Variants in PPARG observed in about 807,000 individuals in gnomAD.
PPARG encodes peroxisome proliferator-activated receptor gamma.
PPARG carries 17 observed loss-of-function variants against 39.2 expected under a neutral mutation model. The ratio of observed to expected loss-of-function variants is 0.43; its 90% CI spans 0.30 to 0.65. The LOEUF (loss-of-function observed/expected upper bound fraction) is 0.65. Ranked by LOEUF, PPARG falls within the 30% of genes least tolerant of loss-of-function variation. PPARG has a pLI of 0.13. For synonymous variants in PPARG, 223 were observed against 215.7 expected, an observed-to-expected ratio of 1.03 and a Z score of -0.30; for missense variants, 406 against 585.9, an observed-to-expected ratio of 0.69 and a Z score of 3.17.
At chr3:12,300,932 T>C (rs1178294690) in intron 1 of PPARG, among the ~76,000 whole-genome samples, 1 of 152,222 alleles carries the variant, frequency 6.6e-6, no homozygotes, top group African/African-American at 2.4e-5. Flanking sequence ...TTGATTTTAT[T>C]TTGAGGACAA....
rs1441515373 is a variant in PPARG at position 12,340,607 on chromosome 3, A to G, written c.-9+28154A>G. On this transcript the variant is annotated intron_variant, in intron 2 of 7. Coordinates refer to ENST00000651735, the MANE Select transcript of PPARG (RefSeq NM_138711.6). ...ATGTAACATCTTACTTCCTAGAGGT[A>G]TCTGAAGAAAAGCACTCCAGGAGTA... 5.3e-5 allele frequency among the ~76,000 whole-genome samples: 8 copies of G among 152,200 alleles called. 1 individual carries two copies. Among genetic ancestry groups the G allele is most frequent in the African/African-American group, 1.9e-4 (8 of 41,446 alleles).
intron 2 of PPARG, among the ~76,000 whole-genome samples, chr3:12,362,994 A>G (rs2048901350): frequency 6.6e-6 from 1 of 151,962 alleles, no homozygotes; most frequent in Admixed American, 6.6e-5. Flanking sequence ...ATCATGGTGC[A>G]TTGCAGCCTC....
At chr3:12,356,102 C>G (rs1439178556) in intron 2 of PPARG, among the ~76,000 whole-genome samples, 2 of 152,182 alleles carry the variant, frequency 1.3e-5, no homozygotes, top group Non-Finnish European at 2.9e-5. Flanking sequence ...AAAATAGGCA[C>G]TAGAGGTTGT....
chr3:12,424,004 C>T (rs770489708), intron 7 of PPARG, among the ~76,000 whole-genome samples: 3 of 152,178 alleles, frequency 2.0e-5, no homozygotes, highest in Non-Finnish European at 2.9e-5. Flanking sequence ...TTCTGAGGCT[C>T]CTCTCTTAGG....
intron 2 of PPARG, among the ~76,000 whole-genome samples, chr3:12,373,855 G>A (rs2049310677): frequency 6.6e-6 from 1 of 152,158 alleles, no homozygotes; most frequent in Non-Finnish European, 1.5e-5. Flanking sequence ...TTCATAGATG[G>A]TTTTACAGAG....
chr3:12,299,217 G>C (rs1237006788), intron 1 of PPARG, among the ~76,000 whole-genome samples: 2 of 152,132 alleles, frequency 1.3e-5, no homozygotes, highest in Admixed American at 1.3e-4. Context: ...AGATAAGGAG[G>C]ATAAAGCAAT....
chr3:12,337,177 A>G (rs1225772548), intron 2 of PPARG, among the ~76,000 whole-genome samples: 1 of 152,236 alleles, frequency 6.6e-6, no homozygotes, highest in Non-Finnish European at 1.5e-5. Flanking sequence ...ACCAATAGAA[A>G]TATCTCATTG....
intron 5 of PPARG, 31 bp from the exon 6 acceptor site, chr3:12,405,851 G>A: frequency 1.3e-6 from 2 of 1,598,170 alleles, no homozygotes; most frequent in Non-Finnish European, 1.7e-6. Context: ...GTAATCCAAT[G>A]ATTCATCCTG....
intron 4 of PPARG, among the ~76,000 whole-genome samples, chr3:12,390,692 G>A (rs1320831838): frequency 2.2e-5 from 3 of 133,430 alleles, no homozygotes; most frequent in Non-Finnish European, 4.6e-5. Context: ...CCAGACTGGA[G>A]TGCAGTGGTG....
At chr3:12,428,194 C>A (rs1291255331) in intron 7 of PPARG, among the ~76,000 whole-genome samples, 2 of 152,236 alleles carry the variant, frequency 1.3e-5, no homozygotes, top group African/African-American at 4.8e-5. Context: ...GATAAACCCT[C>A]CACTTAACAG....
chr3:12,343,628 C>T (rs894570500), intron 2 of PPARG, among the ~76,000 whole-genome samples: 13 of 152,284 alleles, frequency 8.5e-5, no homozygotes, highest in African/African-American at 2.6e-4. Flanking sequence ...TCTCTCAAAC[C>T]ACCTACTCGT....
chr3:12,425,096 A>G (rs1006022012), intron 7 of PPARG, among the ~76,000 whole-genome samples: 4 of 152,222 alleles, frequency 2.6e-5, no homozygotes, highest in African/African-American at 9.6e-5. Context: ...TTTATCAACT[A>G]TCGCTTTAAG....
chr3:12,346,329 A>G (rs1392124422), intron 2 of PPARG, among the ~76,000 whole-genome samples: 1 of 152,246 alleles, frequency 6.6e-6, no homozygotes, highest in Admixed American at 6.5e-5. Flanking sequence ...CAGAACATGA[A>G]TAAGTATGCA....
At chr3:12,311,418 G>A (rs1301722221) in intron 1 of PPARG, among the ~76,000 whole-genome samples, 1 of 152,120 alleles carries the variant, frequency 6.6e-6, no homozygotes, top group Non-Finnish European at 1.5e-5. Flanking sequence ...CAATGCCAGA[G>A]AAATAAATAA....
At chr3:12,294,612 C>G (rs956795657) in intron 1 of PPARG, among the ~76,000 whole-genome samples, 5 of 152,066 alleles carry the variant, frequency 3.3e-5, no homozygotes, top group African/African-American at 1.2e-4. Context: ...ATCATACATG[C>G]GGCCAGTCGC....
rs139690129 is a variant in PPARG at position 12,319,449 on chromosome 3, T to C, written c.-9+6996T>C. Among the ~76,000 whole-genome samples, 7 of 152,284 alleles carry C rather than the reference T, an allele frequency of 4.6e-5. No homozygotes were observed. The East Asian group carries it at 1.3e-3, about 29-fold the overall frequency. ...ATAGCGTCGTAAAATTGAAGTACTT[T>C]TATATACAGAAGTAACCACTAAATT... On this transcript the variant is annotated intron_variant, in intron 2 of 7. Transcript: ENST00000651735.
chr3:12,310,532 C>T lies in PPARG; in HGVS notation c.-82-1848C>T, dbSNP rs1160031024. Among the ~76,000 whole-genome samples the T allele has an allele frequency of 1.1e-4, 8 of 70,898 alleles. 2 individuals carry two copies. Among genetic ancestry groups the T allele is most frequent in the East Asian group, 1.2e-3 (2 of 1,718 alleles). The allele number at this position is 70,898 out of a possible 152,430, so 46.5% of individuals were successfully genotyped here. On this transcript the variant is annotated intron_variant, in intron 1 of 7. Coordinates refer to ENST00000651735, the MANE Select transcript of PPARG (RefSeq NM_138711.6). ...AGGCTGGAGTGCAGTGGCGGGATCTCGGCTCACTGCAAGCTCCGCCTCCTG... is the reference window on the plus strand; with the variant it reads ...AGGCTGGAGTGCAGTGGCGGGATCTTGGCTCACTGCAAGCTCCGCCTCCTG...
chr3:12,347,219 G>A (rs2048352176), intron 2 of PPARG, among the ~76,000 whole-genome samples: 1 of 151,756 alleles, frequency 6.6e-6, no homozygotes, highest in African/African-American at 2.4e-5. Context: ...GTGTGGTGGC[G>A]AGCAACTGAA....
chr3:12,359,735 C>T (rs1270802941), intron 2 of PPARG, among the ~76,000 whole-genome samples: 9 of 144,426 alleles, frequency 6.2e-5, no homozygotes, highest in African/African-American at 1.6e-4. Context: ...AGTGCAGTGG[C>T]GCCGTCTCAG....
Sources: gnomAD v4.1 joint callset for allele counts (sites outside exome capture counted in the v4.1 genomes callset) on GRCh38, gnomAD v4.1.1 for gene constraint, MANE v1.5 for transcripts, NCBI Gene and HGNC (gene_info 2026-07-23, HGNC 2026-07-21) for gene names.